Variants in JAKMIP3 observed in about 807,000 individuals in gnomAD.
JAKMIP3 encodes janus kinase and microtubule-interacting protein 3.
In JAKMIP3, 58 loss-of-function variants were observed where a neutral mutation model predicts 118.5. The observed-to-expected ratio is 0.49, with a 90% CI of 0.40 to 0.61. The LOEUF is 0.61. Ranked by LOEUF, JAKMIP3 falls within the 20% of genes least tolerant of loss-of-function variation. The pLI is 0.00. For missense variants in JAKMIP3, 950 were observed against 1,109.0 expected (o/e 0.86, Z 2.04); for synonymous variants, 486 against 451.2 (o/e 1.08, Z -0.98).
At chr10:132,149,201 G>A (rs150715848) in intron 14 of JAKMIP3, among the ~76,000 whole-genome samples, 4 of 152,134 alleles carry the variant, frequency 2.6e-5, no homozygotes, top group African/African-American at 4.8e-5. Context: ...CACATCTGGG[G>A]TCAGCGAATA....
At chr10:132,171,229 G>A (rs939439628) in intron 23 of JAKMIP3, among the ~76,000 whole-genome samples, 3 of 152,204 alleles carry the variant, frequency 2.0e-5, no homozygotes, top group East Asian at 1.9e-4. Context: ...CTCCCACCGC[G>A]TCTGCTCCGA....
chr10:132,126,098 A>G (rs957040531), intron 3 of JAKMIP3, among the ~76,000 whole-genome samples: 9 of 152,090 alleles, frequency 5.9e-5, no homozygotes, highest in African/African-American at 1.9e-4. Context: ...TTCCAAGCTC[A>G]TACCTTTTGT....
intron 1 of JAKMIP3, among the ~76,000 whole-genome samples, chr10:132,080,728 C>G (rs774614780): frequency 6.6e-6 from 1 of 151,656 alleles, no homozygotes; most frequent in Non-Finnish European, 1.5e-5. Context: ...CCATGTTGAC[C>G]GGGCTGGTCT....
chr10:132,048,935 C>G (rs1339191410), intron 1 of JAKMIP3, among the ~76,000 whole-genome samples: 1 of 152,116 alleles, frequency 6.6e-6, no homozygotes, highest in South Asian at 2.1e-4. Flanking sequence ...CCACCGCGCC[C>G]GGCCTGGGCT....
intron 4 of JAKMIP3, among the ~76,000 whole-genome samples, chr10:132,134,302 G>A (rs1381924686): frequency 2.6e-5 from 4 of 152,310 alleles, no homozygotes; most frequent in African/African-American, 7.2e-5. Context: ...ATAAAACTGT[G>A]TGTGAGCTGA....
chr10:132,038,199 C>G (rs1034548862), intron 1 of JAKMIP3, among the ~76,000 whole-genome samples: 5 of 152,176 alleles, frequency 3.3e-5, no homozygotes, highest in African/African-American at 1.2e-4. Flanking sequence ...ATGATAGCCA[C>G]TGAAATCCAG....
intron 1 of JAKMIP3, among the ~76,000 whole-genome samples, chr10:132,068,509 T>A (rs1179118889): frequency 6.6e-6 from 1 of 151,466 alleles, no homozygotes; most frequent in Non-Finnish European, 1.5e-5. Context: ...TCCATGAACC[T>A]CTTGGGCAGG....
intron 16 of JAKMIP3, among the ~76,000 whole-genome samples, chr10:132,150,919 C>T (rs1250431973): frequency 6.6e-6 from 1 of 152,042 alleles, no homozygotes; most frequent in Non-Finnish European, 1.5e-5. Context: ...ATCCATTTAT[C>T]CATCATCCAC....
intron 3 of JAKMIP3, among the ~76,000 whole-genome samples, chr10:132,122,642 CAG>C (rs1185130326): frequency 2.6e-5 from 4 of 152,208 alleles, no homozygotes; most frequent in Admixed American, 6.5e-5. Flanking sequence ...CTCAGGGTCT[CAG>C]AGAGGAAGCC....
At chr10:132,180,546 C>CGTGTGTGTGTGT (rs1272765694) in intron 23 of JAKMIP3, among the ~76,000 whole-genome samples, 1,465 of 15,908 alleles carry the variant, frequency 0.092, 538 homozygotes, top group East Asian at 0.13. Context: ...TGTGTGTGTG[C>CGTGTGTGTGTGT]GTGCGTGCAT....
At chr10:132,180,790 T>TGTGTGCGTGTGTGTGTGTGTGCGC (rs1283527687) in intron 23 of JAKMIP3, among the ~76,000 whole-genome samples, 1 of 139,652 alleles carries the variant, frequency 7.2e-6, no homozygotes, top group African/African-American at 2.8e-5. Context: ...TGTGCGCGTA[T>TGTGTGCGTGTGTGTGTGTGTGCGC]GCATGTGCTG....
Position 132,081,621 on chromosome 10 carries a change from C to T in JAKMIP3, c.-138+15560C>T, listed in dbSNP as rs146670264. ...CTGGAGATGGGTAGTGCGAGGCCTCCGGTTCTGCCTTCATCGTCACGGTTG... is the reference window on the plus strand; with the variant it reads ...CTGGAGATGGGTAGTGCGAGGCCTCTGGTTCTGCCTTCATCGTCACGGTTG... On this transcript the variant is annotated intron_variant, in intron 1 of 23. Transcript: ENST00000684848. 8.3e-4 allele frequency among the ~76,000 whole-genome samples: 127 copies of T among 152,242 alleles called. 2 individuals are homozygous for T. In the East Asian group the frequency reaches 0.022, roughly 26 times the overall value.
rs1206929343 is a variant in JAKMIP3, at chr10:132,168,613, G to T, written c.*683G>T. 3.4e-5 allele frequency: 12 copies of T among 353,620 alleles called. No individual in the cohort carries two copies. Among genetic ancestry groups the T allele is most frequent in the Admixed American group, 3.3e-4 (8 of 24,548 alleles). 21.9% of individuals were successfully genotyped at this position (353,620 alleles called of 1,614,324 possible). A position where few individuals can be genotyped will look rare whatever the true frequency, so the allele number is the denominator to read the frequency against. The stretch of plus-strand genomic sequence containing the variant: ...AGCCGTGGCCGCCGCGGGCCGCGTG[G>T]TGCCATCAACCCTCTGCCTCCCTAC... On this transcript the variant is annotated 3_prime_UTR_variant, in exon 23 of 24. Coordinates refer to ENST00000684848, the MANE Select transcript of JAKMIP3 (RefSeq NM_001323087.2).
intron 3 of JAKMIP3, among the ~76,000 whole-genome samples, chr10:132,121,618 C>T (rs1420481066): frequency 6.6e-6 from 1 of 152,190 alleles, no homozygotes; most frequent in African/African-American, 2.4e-5. Context: ...TGATGGCCTC[C>T]ACCCCCAGGT....
At chr10:132,080,165 G>A (rs2041536523) in intron 1 of JAKMIP3, among the ~76,000 whole-genome samples, 1 of 152,186 alleles carries the variant, frequency 6.6e-6, no homozygotes, top group Admixed American at 6.5e-5. Context: ...GCAACAGTGT[G>A]AGACCCCACT....
chr10:132,066,590 C>A (rs9419176), intron 1 of JAKMIP3, among the ~76,000 whole-genome samples: 11,970 of 152,206 alleles, frequency 0.079, 596 homozygotes, highest in East Asian at 0.3. Context: ...TGGCTTGAGG[C>A]CTCACCACCT....
At chr10:132,154,037 G>T in intron 19 of JAKMIP3, 47 bp downstream of exon 19, 1 of 1,579,840 alleles carries the variant, frequency 6.3e-7, no homozygotes, top group Non-Finnish European at 8.7e-7. Flanking sequence ...GCACTGGGCT[G>T]AAACGGCCAC....
At chr10:132,062,318 A>C (rs1232297490), upstream of JAKMIP3, among the ~76,000 whole-genome samples, 1 of 152,184 alleles carries the variant, frequency 6.6e-6, no homozygotes, top group Non-Finnish European at 1.5e-5. Context: ...TGAAACAGTC[A>C]AAGATGGCTG....
Position 132,133,460 on chromosome 10 carries a change from G to A in JAKMIP3, c.782G>A (p.Gly261Asp). ...SQVREADRHP[G>D]SPRRELPHAA... ...GTCCGAGAGGCCGACCGGCACCCGGGCAGCCCCAGACGGGAACTTCCTCAT... is the reference window on the plus strand; with the variant it reads ...GTCCGAGAGGCCGACCGGCACCCGGACAGCCCCAGACGGGAACTTCCTCAT... The change falls in exon 4 of 24, where the codon GGC becomes GAC. Residue 261 changes from glycine (G) to aspartate (D), a missense_variant. Coordinates refer to ENST00000684848, the MANE Select transcript of JAKMIP3 (RefSeq NM_001323087.2). The A allele has an allele frequency of 1.9e-6, 3 of 1,585,730 alleles. No homozygotes were observed. Among genetic ancestry groups the A allele is most frequent in the South Asian group, 1.2e-5 (1 of 86,642 alleles).
Sources: gnomAD v4.1 joint callset for allele counts (sites outside exome capture counted in the v4.1 genomes callset) on GRCh38, gnomAD v4.1.1 for gene constraint, MANE v1.5 for transcripts, NCBI Gene and HGNC (gene_info 2026-07-23, HGNC 2026-07-21) for gene names.